The following CFAP161 variants were observed in gnomAD, a reference collection of about 807,000 sequenced individuals.
The protein encoded by CFAP161 is cilia and flagella associated protein 161.
CFAP161 carries 25 observed loss-of-function variants against 29.0 expected under a neutral mutation model. The ratio of observed to expected loss-of-function variants is 0.86; its 90% CI spans 0.63 to 1.20. The LOEUF (loss-of-function observed/expected upper bound fraction) is 1.20, where lower values mean the gene tolerates loss of function less well. Among genes scored for constraint, CFAP161 ranks in the 50% most tolerant of loss-of-function variants. The pLI, the probability that CFAP161 is intolerant of heterozygous loss-of-function variation, is 0.00. For synonymous variants in CFAP161, 116 were observed against 137.4 expected (o/e 0.84, Z 1.09); for missense variants, 367 against 371.9 (o/e 0.99, Z 0.11).
chr15:81,118,838 G>T (rs1057434619), intron 1 of CFAP161, among the ~76,000 whole-genome samples: 2 of 151,534 alleles, frequency 1.3e-5, no homozygotes, highest in African/African-American at 4.9e-5. Context: ...AATCAGGTAG[G>T]GAGAAGAAGC....
chr15:81,137,848 C>T (rs1233087632), intron 3 of CFAP161, among the ~76,000 whole-genome samples: 1 of 152,104 alleles, frequency 6.6e-6, no homozygotes, highest in African/African-American at 2.4e-5. Flanking sequence ...AGCTATGGTG[C>T]AGGGCAGGGA....
chr15:81,126,067 A>G (rs1427585317), intron 1 of CFAP161, among the ~76,000 whole-genome samples: 1 of 152,104 alleles, frequency 6.6e-6, no homozygotes, highest in East Asian at 1.9e-4. Context: ...CTGGGGTTTC[A>G]CCATGTTGGC....
At chr15:81,145,855 T>G (rs1330343307) in intron 5 of CFAP161, among the ~76,000 whole-genome samples, 1 of 152,156 alleles carries the variant, frequency 6.6e-6, no homozygotes, top group Non-Finnish European at 1.5e-5. Flanking sequence ...TTGGGTGGTG[T>G]TGGAGAGAAT....
At chr15:81,118,161 T>A (rs780416617) in intron 1 of CFAP161, 1 of 493,860 alleles carries the variant, frequency 2.0e-6, no homozygotes, top group Non-Finnish European at 3.7e-6. Context: ...TATTCAGACC[T>A]CCAAAGATTC....
upstream of CFAP161, among the ~76,000 whole-genome samples, chr15:81,129,965 A>C (rs1343505448): frequency 1.5e-5 from 2 of 132,214 alleles, no homozygotes; most frequent in African/African-American, 3.0e-5. Context: ...TTTTTTGCCT[A>C]TATTGAAAAT....
chr15:81,117,756 TTCC>T (rs1894517277), intron 1 of CFAP161: 1 of 300,452 alleles, frequency 3.3e-6, no homozygotes, highest in Admixed American at 4.3e-5. Flanking sequence ...CAAATTCTTC[TTCC>T]TCCTCGCTGA....
intron 1 of CFAP161, among the ~76,000 whole-genome samples, chr15:81,126,846 A>C (rs1193874897): frequency 2.6e-5 from 4 of 152,234 alleles, no homozygotes; most frequent in Non-Finnish European, 5.9e-5. Context: ...GACTTTTAAA[A>C]ATCTTTGCTT....
intron 4 of CFAP161, among the ~76,000 whole-genome samples, chr15:81,141,718 T>C (rs1372347418): frequency 1.3e-5 from 2 of 151,760 alleles, no homozygotes; most frequent in African/African-American, 4.8e-5. Context: ...GGTGTCTCAC[T>C]CTGTTGCCTA....
At chr15:81,137,107 T>TTTTA (rs3086669) in intron 3 of CFAP161, among the ~76,000 whole-genome samples, 8 of 151,882 alleles carry the variant, frequency 5.3e-5, no homozygotes, top group Non-Finnish European at 1.0e-4. Flanking sequence ...TTTTTTTTTT[T>TTTTA]ACAATAAAAA....
intron 2 of CFAP161, among the ~76,000 whole-genome samples, chr15:81,135,997 C>T (rs866118571): frequency 5.9e-5 from 9 of 152,282 alleles, no homozygotes; most frequent in South Asian, 2.1e-4. Flanking sequence ...AGACCGGTAA[C>T]TTTAAATTCA....
At chr15:81,137,379 G>A (rs1395794727) in intron 3 of CFAP161, among the ~76,000 whole-genome samples, 2 of 152,176 alleles carry the variant, frequency 1.3e-5, no homozygotes, top group Non-Finnish European at 2.9e-5. Context: ...CAGATCACCT[G>A]AGGTCTGGAG....
intron 4 of CFAP161, among the ~76,000 whole-genome samples, chr15:81,141,376 TAAG>T (rs1445579508): frequency 2.0e-5 from 3 of 152,344 alleles, no homozygotes; most frequent in Non-Finnish European, 4.4e-5. Context: ...TATAAAAATA[TAAG>T]AAGGCTATTG....
intron 1 of CFAP161, among the ~76,000 whole-genome samples, chr15:81,116,652 T>G (rs1054877214): frequency 1.3e-5 from 2 of 152,184 alleles, no homozygotes; most frequent in Admixed American, 6.5e-5. Context: ...AAACATCAAC[T>G]TTTTCCCCTG....
At chr15:81,146,308 C>T (rs1595921154) in intron 5 of CFAP161, among the ~76,000 whole-genome samples, 1 of 151,994 alleles carries the variant, frequency 6.6e-6, no homozygotes, top group South Asian at 2.1e-4. Context: ...ATATATTTTT[C>T]CTGATTATAA....
chr15:81,114,959 T>TA (rs913533161), intron 1 of CFAP161, among the ~76,000 whole-genome samples: 67 of 152,100 alleles, frequency 4.4e-4, no homozygotes, highest in African/African-American at 1.3e-3. Context: ...GTTTTTAAAA[T>TA]AAAAAAAATG....
intron 1 of CFAP161, among the ~76,000 whole-genome samples, chr15:81,122,857 T>C (rs1033763544): frequency 2.0e-5 from 3 of 152,158 alleles, no homozygotes; most frequent in African/African-American, 7.2e-5. Flanking sequence ...TGTCTGCTCA[T>C]GTCTTTTACC....
At chr15:81,101,603 G>T (rs1026198374) in intron 1 of CFAP161, among the ~76,000 whole-genome samples, 5 of 151,284 alleles carry the variant, frequency 3.3e-5, no homozygotes, top group Admixed American at 3.3e-4. Flanking sequence ...GGGAGAGGCT[G>T]GGAATGTTAT....
At chr15:81,118,150 A>T (rs947060852) in intron 1 of CFAP161, 15 of 499,882 alleles carry the variant, frequency 3.0e-5, no homozygotes, top group Non-Finnish European at 5.5e-5. Context: ...TTCTGCAGAC[A>T]TATTCAGACC....
chr15:81,127,620 T>C, exon 2 of CFAP161: 1 of 138,972 alleles, frequency 7.2e-6, no homozygotes, highest in East Asian at 2.0e-4. Context: ...TCCCAAATAG[T>C]ATTTAAAAAG....
Sources: allele counts gnomAD v4.1 joint callset (sites outside exome capture counted in the v4.1 genomes callset), GRCh38; gene constraint gnomAD v4.1.1; transcripts MANE v1.5; gene names NCBI Gene and HGNC (gene_info 2026-07-23, HGNC 2026-07-21).